Variants in SH3KBP1 observed in about 807,000 individuals in gnomAD.
SH3KBP1 encodes SH3 domain-containing kinase-binding protein 1.
In SH3KBP1, 8 loss-of-function variants were observed where a neutral mutation model predicts 50.1. That is an observed-to-expected ratio of 0.16 (90% confidence interval 0.09 to 0.29). SH3KBP1 has a LOEUF of 0.29. SH3KBP1 is among the 10% of genes least tolerant of loss of function. The pLI is 1.00. For missense variants in SH3KBP1, 377 were observed against 535.2 expected (o/e 0.70, Z 2.92); for synonymous variants, 227 against 218.6 (o/e 1.04, Z -0.34).
chrX:19,604,463 C>T (rs912851448), intron 9 of SH3KBP1, among the ~76,000 whole-genome samples: 3 of 111,788 alleles, frequency 2.7e-5, no homozygotes, highest in Non-Finnish European at 3.8e-5. Flanking sequence ...CGGATGCCTA[C>T]GGAGTCAAGA....
At chrX:19,564,147 C>A (rs1317464809) in intron 13 of SH3KBP1, among the ~76,000 whole-genome samples, 1 of 111,756 alleles carries the variant, frequency 8.9e-6, no homozygotes. Context: ...AAACCAATAG[C>A]CCCAAGTCAG....
intron 1 of SH3KBP1, among the ~76,000 whole-genome samples, chrX:19,874,068 A>AAAAAAAAAAAAAAT (rs1491537486): frequency 5.3e-4 from 30 of 57,031 alleles, no homozygotes; most frequent in African/African-American, 4.1e-3. Context: ...AAAAAAAAAA[A>AAAAAAAAAAAAAAT]ATATATATAT....
chrX:19,652,475 C>A (rs777327136), intron 6 of SH3KBP1, among the ~76,000 whole-genome samples: 1 of 111,037 alleles, frequency 9.0e-6, no homozygotes, highest in African/African-American at 3.3e-5. Flanking sequence ...CCCACGTATG[C>A]GTACACACAC....
At chrX:19,687,163 T>A (rs188828666) in intron 5 of SH3KBP1, among the ~76,000 whole-genome samples, 1 of 112,957 alleles carries the variant, frequency 8.9e-6, no homozygotes, top group African/African-American at 3.2e-5. Flanking sequence ...TGGACTTTCA[T>A]GCCAAATTCT....
At chrX:19,769,675 A>G (rs746092942) in intron 2 of SH3KBP1, among the ~76,000 whole-genome samples, 3 of 111,321 alleles carry the variant, frequency 2.7e-5, no homozygotes, top group Non-Finnish European at 5.6e-5. Context: ...CTGGAGCAGT[A>G]AAGATTAATC....
chrX:19,738,398 T>C (rs987436456), intron 3 of SH3KBP1, among the ~76,000 whole-genome samples: 2 of 110,729 alleles, frequency 1.8e-5, no homozygotes, highest in Non-Finnish European at 3.8e-5. Context: ...CAAGGTCTCG[T>C]CACTAGTAGA....
intron 3 of SH3KBP1, among the ~76,000 whole-genome samples, chrX:19,730,362 T>G (rs960720124): frequency 8.9e-6 from 1 of 111,814 alleles, no homozygotes; most frequent in Admixed American, 9.5e-5. Context: ...TTTGCTTTAA[T>G]CTCTCAAATA....
At chrX:19,733,606 G>A (rs1417196119) in intron 3 of SH3KBP1, among the ~76,000 whole-genome samples, 2 of 110,622 alleles carry the variant, frequency 1.8e-5, no homozygotes, top group Admixed American at 9.7e-5. Flanking sequence ...AAGGAGATAA[G>A]CTAGGTGATA....
intron 2 of SH3KBP1, among the ~76,000 whole-genome samples, chrX:19,815,880 G>A (rs952795218): frequency 8.9e-6 from 1 of 111,902 alleles, no homozygotes; most frequent in Non-Finnish European, 1.9e-5. Context: ...TGGTTGGACC[G>A]GAACTTGTTT....
intron 1 of SH3KBP1, among the ~76,000 whole-genome samples, chrX:19,868,109 G>C (rs1170944270): frequency 2.7e-5 from 3 of 112,018 alleles, no homozygotes; most frequent in African/African-American, 9.7e-5. Flanking sequence ...TGTATGATGA[G>C]GTGATTATTG....
At chrX:19,738,158 T>C (rs1044370527) in intron 3 of SH3KBP1, among the ~76,000 whole-genome samples, 1 of 111,725 alleles carries the variant, frequency 9.0e-6, no homozygotes, top group African/African-American at 3.3e-5. Context: ...CAGGTCTCCT[T>C]ACCATAGGCC....
intron 2 of SH3KBP1, among the ~76,000 whole-genome samples, chrX:19,808,612 C>T (rs1008240167): frequency 1.8e-5 from 2 of 111,388 alleles, no homozygotes; most frequent in Admixed American, 9.5e-5. Flanking sequence ...CCCACAACTG[C>T]TGCCCTCAAG....
intron 13 of SH3KBP1, among the ~76,000 whole-genome samples, chrX:19,551,581 G>A (rs1226140525): frequency 8.8e-5 from 7 of 79,473 alleles, no homozygotes; most frequent in African/African-American, 4.3e-4. Context: ...GTCTTGCTCT[G>A]TCTCCCAGGC....
intron 1 of SH3KBP1, among the ~76,000 whole-genome samples, chrX:19,859,934 G>A (rs867190603): frequency 4.5e-5 from 5 of 111,293 alleles, no homozygotes; most frequent in South Asian, 3.7e-4. Context: ...GCTCCAAACT[G>A]TCTCTTCTCC....
At chrX:19,816,577 G>A (rs761509908) in intron 2 of SH3KBP1, among the ~76,000 whole-genome samples, 23 of 111,748 alleles carry the variant, frequency 2.1e-4, no homozygotes, top group Admixed American at 1.7e-3. Context: ...GGAGGCCAAG[G>A]CAGTGGATTA....
At chrX:19,706,789 G>A (rs2063660479) in intron 4 of SH3KBP1, 92 bp downstream of exon 4, 5 of 661,140 alleles carry the variant, frequency 7.6e-6, no homozygotes. Context: ...CAAACAGCCT[G>A]TGAGTCTGTA....
intron 8 of SH3KBP1, among the ~76,000 whole-genome samples, chrX:19,613,418 A>C: frequency 8.9e-6 from 1 of 112,126 alleles, no homozygotes; most frequent in Non-Finnish European, 1.9e-5. Context: ...TGACGCTTCC[A>C]GAAAGCTGCT....
chrX:19,604,183 T>C (rs751233242), intron 9 of SH3KBP1, among the ~76,000 whole-genome samples: 1 of 111,950 alleles, frequency 8.9e-6, no homozygotes, highest in African/African-American at 3.2e-5. Context: ...TCAATTTTAC[T>C]GTCAAGGCCA....
rs777954473 is a variant in SH3KBP1, at chrX:19,863,726, C to G, written c.4+23581G>C. ...TGACACCCAACACCCCCCAACCTCC[C>G]TCGGGACACCAAGTGGCCACAATGA... On this transcript the variant is annotated intron_variant, in intron 1 of 17. Transcript: ENST00000397821. Among the ~76,000 whole-genome samples the G allele has an allele frequency of 3.6e-5, 4 of 111,262 alleles. No individual in the cohort carries two copies. In the East Asian group the frequency reaches 1.1e-3, roughly 32 times the overall value.
Sources: gnomAD v4.1 joint callset for allele counts (sites outside exome capture counted in the v4.1 genomes callset) on GRCh38, gnomAD v4.1.1 for gene constraint, MANE v1.5 for transcripts, NCBI Gene and HGNC (gene_info 2026-07-23, HGNC 2026-07-21) for gene names.